Variants in ESYT1 observed in about 807,000 individuals in gnomAD.
ESYT1 encodes extended synaptotagmin 1.
ESYT1 carries 116 observed loss-of-function variants against 154.2 expected under a neutral mutation model. That is an observed-to-expected ratio of 0.75 (90% CI 0.65 to 0.88). The LOEUF is 0.88. Among genes scored for constraint, ESYT1 ranks in the 40% least tolerant of loss-of-function variants. ESYT1 has a pLI of 0.00. For synonymous variants in ESYT1, 500 were observed against 539.9 expected, an observed-to-expected ratio of 0.93 and a Z score of 1.02; for missense variants, 1,264 against 1,379.3, an observed-to-expected ratio of 0.92 and a Z score of 1.32.
intron 7 of ESYT1, among the ~76,000 whole-genome samples, 190 bp downstream of exon 7, chr12:56,131,994 G>T (rs572800153): frequency 6.6e-6 from 1 of 152,304 alleles, no homozygotes; most frequent in African/African-American, 2.4e-5. Context: ...GGAAGGGAAT[G>T]CAGAGGGCTG....
Position 56,138,035 on chromosome 12 carries a change from G to A in ESYT1, c.2208G>A (p.Val736=). 6.2e-7 allele frequency: 1 copy of A among 1,614,206 alleles called. No individual in the cohort carries two copies. Among genetic ancestry groups the A allele is most frequent in the African/African-American group, 1.3e-5 (1 of 75,056 alleles). Residue 736 remains valine (V), a synonymous_variant, in exon 20 of 31, where the codon GTG becomes GTA. Transcript: ENST00000394048. ...DKDDFLGRCK[V]RLTTVLNSGF... ...TCTTTCTCTTCAACAGGTGTAAAGT[G>A]CGTCTCACCACAGTCTTAAACAGTG...
At position 56,143,562 on chromosome 12, in the gene ESYT1, T is replaced by G. The variant is rs1373182083; in HGVS notation, c.3226-18T>G. 1 of 1,613,860 alleles carries G rather than the reference T, an allele frequency of 6.2e-7. No individual in the cohort carries two copies. The highest frequency in any genetic ancestry group is 2.2e-5 in the East Asian group (1 of 44,898). ...AATAAAAGAAATAACATCTTTCCCCTATCATCTTCCAACACAGGTGCAGCT... is the reference window on the plus strand; with the variant it reads ...AATAAAAGAAATAACATCTTTCCCCGATCATCTTCCAACACAGGTGCAGCT... On this transcript the variant is annotated intron_variant, in intron 29 of 30. Coordinates refer to ENST00000394048, the MANE Select transcript of ESYT1 (RefSeq NM_015292.3).
chr12:56,137,963 C>T (rs1318760025), intron 19 of ESYT1, 49 bp downstream of exon 19: 1 of 1,612,886 alleles, frequency 6.2e-7, no homozygotes, highest in African/African-American at 1.3e-5. Flanking sequence ...CTCTTTAGGC[C>T]ATGGAGTCTG....
At chr12:56,135,755 G>A (rs1407141534) in intron 15 of ESYT1, among the ~76,000 whole-genome samples, 2 of 151,832 alleles carry the variant, frequency 1.3e-5, no homozygotes, top group African/African-American at 2.4e-5. Flanking sequence ...AGCCAGGCAT[G>A]GTGGTGCGTG....
chr12:56,140,134 C>G (rs919880774), intron 24 of ESYT1, among the ~76,000 whole-genome samples: 10 of 152,062 alleles, frequency 6.6e-5, no homozygotes, highest in Non-Finnish European at 5.9e-5. Context: ...TCCCAAAGTG[C>G]TGGGATTACA....
Position 56,138,441 on chromosome 12 carries a change from G to A in ESYT1, c.2375G>A (p.Ser792Asn), listed in dbSNP as rs747053313. The change falls in exon 22 of 31, where the codon AGT becomes AAT. Residue 792 changes from serine (S) to asparagine (N), a missense_variant. Physicochemically the swap from Ser to Asn is conservative, Grantham distance 46 (BLOSUM62 1). Coordinates refer to ENST00000394048, the MANE Select transcript of ESYT1 (RefSeq NM_015292.3). ...QVNSLIQTQK[S>N]AELAAALLSI... is the part of the protein sequence containing the mutation. ...AATAGTTTGATCCAGACTCAGAAGA[G>A]TGCGGAGCTGGCTGCGGCCCTGCTA... 15 of 1,613,502 alleles carry A rather than the reference G, an allele frequency of 9.3e-6. No individual in the cohort carries two copies. The highest frequency in any genetic ancestry group is 1.3e-5 in the Non-Finnish European group (15 of 1,179,890).
rs969343503 is a variant in ESYT1 at position 56,130,250 on chromosome 12, TC to T, written c.391-330del. ...TTTAAATCCCAGGATTCCCTCAAAC[TC>T]CAATTTGACTGGACCTCCCCCTCCA... On this transcript the variant is annotated intron_variant, in intron 1 of 30. Coordinates refer to ENST00000394048, the MANE Select transcript of ESYT1 (RefSeq NM_015292.3). 5.7e-5 allele frequency: 24 copies of T among 419,018 alleles called. No individual in the cohort carries two copies. In the Admixed American group the frequency reaches 6.7e-4, roughly 12 times the overall value. 26.0% of individuals were successfully genotyped at this position (419,018 alleles called of 1,614,324 possible).
At chr12:56,133,933 GA>G in intron 13 of ESYT1, 60 bp downstream of exon 13, 1 of 1,581,376 alleles carries the variant, frequency 6.3e-7, no homozygotes, top group Non-Finnish European at 8.7e-7. Flanking sequence ...CTGCCTTGCT[GA>G]GGATGCAAAT....
At chr12:56,131,446 G>C (rs73125289) in intron 5 of ESYT1, 31 bp from the exon 6 acceptor site, 123,418 of 1,613,270 alleles carry the variant, frequency 0.077, 5,510 homozygotes, top group Non-Finnish European at 0.09. Flanking sequence ...CTTTTCTGGG[G>C]AAAGGCTTTG....
intron 7 of ESYT1, among the ~76,000 whole-genome samples, 175 bp downstream of exon 7, chr12:56,131,979 G>A (rs1304855952): frequency 6.6e-6 from 1 of 152,164 alleles, no homozygotes; most frequent in African/African-American, 2.4e-5. Flanking sequence ...TGGGTTGGGG[G>A]AGCAGGAAGG....
chr12:56,138,899 A>G, intron 23 of ESYT1, 28 bp from the exon 24 acceptor site: 1 of 1,611,842 alleles, frequency 6.2e-7, no homozygotes, highest in Admixed American at 1.7e-5. Context: ...AGTATCAGCT[A>G]CTGATCATAA....
chr12:56,130,629 G>A lies in ESYT1; in HGVS notation c.432+6G>A, dbSNP rs765064165. 11 of 1,614,166 alleles carry A rather than the reference G, an allele frequency of 6.8e-6. No individual in the cohort carries two copies. Among genetic ancestry groups the A allele is most frequent in the Non-Finnish European group, 8.5e-6 (10 of 1,180,038 alleles). ...AGGCTGAATGGCTCAATAAGGTGAG[G>A]ATTGATTTGATTTTTAGTCTTCATG... On this transcript the variant is annotated splice_donor_region_variant and intron_variant, in intron 2 of 30. Coordinates refer to ENST00000394048, the MANE Select transcript of ESYT1 (RefSeq NM_015292.3).
At chr12:56,137,717 T>C in intron 18 of ESYT1, 42 bp downstream of exon 18, 3 of 1,610,094 alleles carry the variant, frequency 1.9e-6, no homozygotes, top group Non-Finnish European at 2.5e-6. Flanking sequence ...TGCCCCATTT[T>C]TCCCCCAATC....
intron 9 of ESYT1, 46 bp downstream of exon 9, chr12:56,132,643 TTG>T: frequency 6.2e-7 from 1 of 1,613,322 alleles, no homozygotes; most frequent in Non-Finnish European, 8.5e-7. Context: ...CCCCAGGAGG[TTG>T]TGAGAGAAGA....
chr12:56,139,028 T>G lies in ESYT1; in HGVS notation c.2592+15T>G. 1 of 1,600,874 alleles carries G rather than the reference T, an allele frequency of 6.2e-7. No individual in the cohort carries two copies. The highest frequency in any genetic ancestry group is 8.6e-7 in the Non-Finnish European group (1 of 1,167,970). Reference sequence around the variant, plus strand: ...TAGAGTTGCAGGTACTGTAAATTCATTCTTCAAATATTTAGCAGATTTCTG... The same window carrying G: ...TAGAGTTGCAGGTACTGTAAATTCAGTCTTCAAATATTTAGCAGATTTCTG... On this transcript the variant is annotated intron_variant, in intron 24 of 30. Transcript: ENST00000394048.
rs913052003 is a variant in ESYT1, at chr12:56,137,627, C to A, written c.2067C>A (p.Ser689Arg). 23 of 1,614,088 alleles carry A rather than the reference C, an allele frequency of 1.4e-5. No homozygotes were observed. Among genetic ancestry groups the A allele is most frequent in the Non-Finnish European group, 1.9e-5 (23 of 1,180,012 alleles). Residue 689 changes from serine to arginine, a missense_variant, in exon 18 of 31, where the codon AGC (serine) becomes AGA (arginine). Physicochemically the swap from Ser to Arg is moderately radical, Grantham distance 110 (BLOSUM62 -1). Transcript: ENST00000394048. ...AGTTGGCAGGACGAAGCTTCCGGAGCCATGTTGTTCGGGAAGATCTCAATC... is the reference window on the plus strand; with the variant it reads ...AGTTGGCAGGACGAAGCTTCCGGAGACATGTTGTTCGGGAAGATCTCAATC... Reference protein sequence around the residue: ...KLKLAGRSFRSHVVREDLNPR... With the variant: ...KLKLAGRSFRRHVVREDLNPR...
At chr12:56,131,446 G>T (rs73125289) in intron 5 of ESYT1, 31 bp from the exon 6 acceptor site, 1 of 1,613,382 alleles carries the variant, frequency 6.2e-7, no homozygotes, top group South Asian at 1.1e-5. Flanking sequence ...CTTTTCTGGG[G>T]AAAGGCTTTG....
At chr12:56,140,902 C>T (rs943608158) in intron 24 of ESYT1, among the ~76,000 whole-genome samples, 4 of 152,124 alleles carry the variant, frequency 2.6e-5, no homozygotes, top group African/African-American at 9.7e-5. Context: ...GGGTTTTTGG[C>T]ACAGGGTGGC....
In ESYT1 at chr12:56,132,602, G is replaced by A; in HGVS notation, c.1161+5G>A. 6.2e-6 allele frequency: 10 copies of A among 1,614,194 alleles called. No individual in the cohort carries two copies. Among genetic ancestry groups the A allele is most frequent in the Non-Finnish European group, 8.5e-6 (10 of 1,180,030 alleles). On this transcript the variant is annotated splice_donor_5th_base_variant and intron_variant, in intron 9 of 30. Coordinates refer to ENST00000394048, the MANE Select transcript of ESYT1 (RefSeq NM_015292.3). ...CAGTGGGGAGAGACTTATGAGGTGG[G>A]AGAGTTGAGCAGCTCTGTGAAATGG...
Sources: allele counts gnomAD v4.1 joint callset (sites outside exome capture counted in the v4.1 genomes callset), GRCh38; gene constraint gnomAD v4.1.1; transcripts MANE v1.5; gene names NCBI Gene and HGNC (gene_info 2026-07-23, HGNC 2026-07-21).